Variants in RAB37 observed in about 807,000 individuals in gnomAD.
RAB37 encodes the protein RAB37, member RAS oncogene family, also known as ras-related protein Rab-37.
Under a neutral mutation model 33.1 loss-of-function variants are expected in RAB37, and 29 were observed. That is an observed-to-expected ratio of 0.88 (90% confidence interval 0.65 to 1.20). The LOEUF is 1.20. Ranked by LOEUF, RAB37 falls within the 50% of genes most tolerant of loss-of-function variation. The pLI is 0.00. For missense variants in RAB37, 299 were observed against 301.1 expected, an observed-to-expected ratio of 0.99 and a Z score of 0.05; for synonymous variants, 128 against 119.5, an observed-to-expected ratio of 1.07 and a Z score of -0.47.
chr17:74,679,266 C>A (rs774126522), intron 1 of RAB37, among the ~76,000 whole-genome samples: 1 of 152,150 alleles, frequency 6.6e-6, no homozygotes, highest in African/African-American at 2.4e-5. Context: ...GAGTCAGGAA[C>A]TGGTAACACC....
Position 74,740,908 on chromosome 17 carries a change from CAG to C in RAB37, c.204+35_204+36del, listed in dbSNP as rs2034598355. On this transcript the variant is annotated intron_variant, in intron 2 of 8. Transcript: ENST00000392613. ...GGTGGCTGCAGGCACTTGCTTCCAG[CAG>C]AGAGCCAGGGCTGTGGCTCAGGCAT... 5 of 1,505,634 alleles carry C rather than the reference CAG, an allele frequency of 3.3e-6. No homozygotes were observed. The Admixed American group carries it at 5.0e-5, about 15-fold the overall frequency. 93.3% of individuals were successfully genotyped at this position (1,505,634 alleles called of 1,614,324 possible). A position where few individuals can be genotyped will look rare whatever the true frequency, so the allele number is the denominator to read the frequency against.
intron 2 of RAB37, among the ~76,000 whole-genome samples, chr17:74,731,052 C>G (rs1221900797): frequency 6.6e-6 from 1 of 152,232 alleles, no homozygotes; most frequent in Admixed American, 6.5e-5. Flanking sequence ...CAGGACAAAC[C>G]TGTTGCCTGC....
At chr17:74,714,047 TAA>T (rs1217185177) in intron 1 of RAB37, among the ~76,000 whole-genome samples, 5 of 150,552 alleles carry the variant, frequency 3.3e-5, no homozygotes, top group Admixed American at 3.3e-4. Flanking sequence ...CCATCTCTAC[TAA>T]AAAATACAAA....
upstream of RAB37, among the ~76,000 whole-genome samples, chr17:74,732,648 G>A (rs2034402536): frequency 7.1e-6 from 1 of 140,590 alleles, no homozygotes; most frequent in South Asian, 2.3e-4. Context: ...TGAGGTGTAT[G>A]TGGTGTGATT....
chr17:74,699,457 G>T (rs1359744921), intron 1 of RAB37, among the ~76,000 whole-genome samples: 1 of 152,144 alleles, frequency 6.6e-6, no homozygotes, highest in Admixed American at 6.5e-5. Context: ...TGATTAGCAT[G>T]GGCCCTGATC....
intron 1 of RAB37, among the ~76,000 whole-genome samples, chr17:74,726,218 G>C (rs1262993062): frequency 2.1e-5 from 3 of 142,870 alleles, no homozygotes; most frequent in African/African-American, 8.1e-5. Flanking sequence ...CTGGGCGACA[G>C]AGAGAGACTC....
intron 1 of RAB37, among the ~76,000 whole-genome samples, chr17:74,689,251 T>C (rs1158319392): frequency 4.6e-5 from 7 of 152,134 alleles, no homozygotes; most frequent in African/African-American, 1.7e-4. Flanking sequence ...AAGACCAGCC[T>C]GACCAACATG....
At position 74,743,331 on chromosome 17, in the gene RAB37, C is replaced by A; in HGVS notation, c.357C>A (p.Asp119Glu). ...LYDITNKSSF[D>E]NIRAWLTEIH... The stretch of plus-strand genomic sequence containing the variant: ...ACATCACCAACAAATCTTCTTTCGA[C>A]AACATCAGGGTAGGTCCTCCCTTCC... Residue 119 changes from aspartate to glutamate, a missense_variant, in exon 5 of 9, where the codon GAC (aspartate) becomes GAA (glutamate). Transcript: ENST00000392613. 1 of 1,614,116 alleles carries A rather than the reference C, an allele frequency of 6.2e-7. No individual in the cohort carries two copies. Among genetic ancestry groups the A allele is most frequent in the Non-Finnish European group, 8.5e-7 (1 of 1,180,000 alleles).
chr17:74,719,896 C>G (rs1567806954), intron 1 of RAB37, among the ~76,000 whole-genome samples: 1 of 152,258 alleles, frequency 6.6e-6, no homozygotes. Context: ...CATTTCCCAC[C>G]TACCAGCCCC....
Position 74,745,332 on chromosome 17 carries a change from A to T in RAB37, c.593A>T (p.Gln198Leu), listed in dbSNP as rs2034734844. 1 of 1,613,914 alleles carries T rather than the reference A, an allele frequency of 6.2e-7. No individual in the cohort carries two copies. Among genetic ancestry groups the T allele is most frequent in the Non-Finnish European group, 8.5e-7 (1 of 1,179,984 alleles). ...GAACTGAAATACCGGGCCGGGCATC[A>T]GGCGGATGAGCCCAGCTTCCAGATC... ...AKELKYRAGH[Q>L]ADEPSFQIRD... Residue 198 changes from glutamine (Q) to leucine (L), a missense_variant, in exon 9 of 9, where the codon CAG (glutamine) becomes CTG (leucine). Physicochemically the swap from Gln to Leu is moderately radical, Grantham distance 113. Transcript: ENST00000392613. The surrounding 1 kb of genome is among the most constrained non-coding windows in gnomAD (Gnocchi z 4.5).
intron 1 of RAB37, chr17:74,705,183 C>A (rs576945124): frequency 5.4e-4 from 379 of 696,712 alleles, no homozygotes; most frequent in Non-Finnish European, 9.2e-4. Context: ...TACCAGGAGA[C>A]CCCTTTCCAC....
chr17:74,696,212 CG>C (rs755475154), intron 1 of RAB37: 1 of 1,606,370 alleles, frequency 6.2e-7, no homozygotes, highest in Non-Finnish European at 8.5e-7. Context: ...GGGGACATCC[CG>C]GCTGCTAAAA....
chr17:74,744,127 T>G lies in RAB37; in HGVS notation c.367-181T>G, dbSNP rs61106044. ...TAAAATGGTGAGGGTGGGGCCATTGTGGGTTGAGCCACCAAGGAAGGCCAT... is the reference window on the plus strand; with the variant it reads ...TAAAATGGTGAGGGTGGGGCCATTGGGGGTTGAGCCACCAAGGAAGGCCAT... On this transcript the variant is annotated intron_variant, in intron 5 of 8. Coordinates refer to ENST00000392613, the MANE Select transcript of RAB37 (RefSeq NM_001006638.3). The surrounding 1 kb of genome is among the most constrained non-coding windows in gnomAD (Gnocchi z 4.2). 3.2e-4 allele frequency among the ~76,000 whole-genome samples: 49 copies of G among 152,198 alleles called. 1 individual carries two copies. In the South Asian group the frequency reaches 3.3e-3, roughly 10 times the overall value.
intron 1 of RAB37, chr17:74,695,071 T>C (rs781310416): frequency 1.4e-5 from 22 of 1,603,564 alleles, no homozygotes; most frequent in African/African-American, 2.7e-5. Flanking sequence ...CAGCCTGGGG[T>C]CCAAGAAGGA....
At chr17:74,706,781 C>G (rs982228612) in intron 1 of RAB37, among the ~76,000 whole-genome samples, 1 of 152,180 alleles carries the variant, frequency 6.6e-6, no homozygotes, top group African/African-American at 2.4e-5. Flanking sequence ...ACCACGGCAG[C>G]CTGGATTGGA....
At chr17:74,705,581 C>A (rs1381241845) in intron 1 of RAB37, among the ~76,000 whole-genome samples, 1 of 149,570 alleles carries the variant, frequency 6.7e-6, no homozygotes, top group Non-Finnish European at 1.5e-5. Context: ...TTTTTTTTTT[C>A]TTTTTCTCTT....
chr17:74,698,198 TGCAAGCTCCAGGGCGCCCCC>T (rs1567784815), intron 1 of RAB37, among the ~76,000 whole-genome samples: 2 of 152,204 alleles, frequency 1.3e-5, no homozygotes. Flanking sequence ...GGGGCTCCCC[TGCAAGCTCCAGGGCGCCCCC>T]CGGTCCCCTG....
chr17:74,737,393 C>T (rs1490519001), intron 1 of RAB37, 28 bp downstream of exon 1: 7 of 1,534,274 alleles, frequency 4.6e-6, no homozygotes, highest in Non-Finnish European at 6.1e-6. Flanking sequence ...GTGAGACCCC[C>T]GCCCTCCTCG....
chr17:74,708,636 G>T (rs1242042340), intron 1 of RAB37, among the ~76,000 whole-genome samples: 2 of 152,314 alleles, frequency 1.3e-5, no homozygotes, highest in East Asian at 3.9e-4. Context: ...CAATAAGGAG[G>T]CTGGACGCGG....
Sources: gnomAD v4.1 joint callset for allele counts (sites outside exome capture counted in the v4.1 genomes callset) on GRCh38, gnomAD v4.1.1 for gene constraint, Gnocchi (gnomAD v3.1) non-coding constraint, MANE v1.5 for transcripts, NCBI Gene and HGNC (gene_info 2026-07-23, HGNC 2026-07-21) for gene names.